The following ZHX1 variants were observed in gnomAD, a reference collection of about 807,000 sequenced individuals.
ZHX1 encodes the protein zinc fingers and homeoboxes protein 1.
Under a neutral mutation model 61.8 loss-of-function variants are expected in ZHX1, and 20 were observed. The ratio of observed to expected loss-of-function variants is 0.32; its 90% CI spans 0.23 to 0.47. The LOEUF (loss-of-function observed/expected upper bound fraction) is 0.47. Among genes scored for constraint, ZHX1 ranks in the 20% least tolerant of loss-of-function variants. ZHX1 has a pLI of 1.00. For missense variants in ZHX1, 800 were observed against 1,034.8 expected (o/e 0.77, Z 3.11); for synonymous variants, 318 against 352.6 (o/e 0.90, Z 1.10).
At chr8:123,250,718 T>C (rs1825893926) in intron 3 of ZHX1, among the ~76,000 whole-genome samples, 1 of 152,222 alleles carries the variant, frequency 6.6e-6, no homozygotes, top group African/African-American at 2.4e-5. Context: ...GTAACTTTTT[T>C]GGTAAATTGA....
chr8:123,255,270 C>T lies in ZHX1; in HGVS notation c.677G>A (p.Ser226Asn), dbSNP rs760635874. 5.6e-6 allele frequency: 9 copies of T among 1,614,040 alleles called. No individual in the cohort carries two copies. Among genetic ancestry groups the T allele is most frequent in the Non-Finnish European group, 6.8e-6 (8 of 1,180,040 alleles). ...PDREEIVENP[S>N]SSASESNTST... Reference sequence around the variant, plus strand: ...TGTATTAGATTCAGAAGCTGAAGAACTTGGATTTTCTACAATTTCTTCACG... The same window carrying T: ...TGTATTAGATTCAGAAGCTGAAGAATTTGGATTTTCTACAATTTCTTCACG... The change falls in exon 3 of 4, where the codon AGT becomes AAT. Residue 226 changes from serine to asparagine, a missense_variant. Coordinates refer to ENST00000395571, the MANE Select transcript of ZHX1 (RefSeq NM_007222.5).
At chr8:123,260,607 A>C (rs1219144012) in intron 2 of ZHX1, among the ~76,000 whole-genome samples, 1 of 151,890 alleles carries the variant, frequency 6.6e-6, no homozygotes, top group Non-Finnish European at 1.5e-5. Context: ...CAAAAAAAAA[A>C]CAAAAAACAA....
At position 123,270,239 on chromosome 8, in the gene ZHX1, T is replaced by G. The variant is rs141137310; in HGVS notation, c.-339-2853A>C. Among the ~76,000 whole-genome samples the G allele has an allele frequency of 1.6e-3, 246 of 152,162 alleles. 1 individual carries two copies. Among genetic ancestry groups the G allele is most frequent in the African/African-American group, 5.8e-3 (242 of 41,532 alleles). On this transcript the variant is annotated intron_variant, in intron 1 of 3. Transcript: ENST00000395571. ...ATTATTAGTTTAGTGCTTAGAAATA[T>G]CAGAACCTCCTATCTTCTTTCATTT...
chr8:123,264,860 C>T (rs117214456), intron 2 of ZHX1, among the ~76,000 whole-genome samples: 3,120 of 149,402 alleles, frequency 0.021, 37 homozygotes, highest in Admixed American at 0.031. Context: ...TGCCTGGCCA[C>T]AAACTTTGTT....
intron 2 of ZHX1, among the ~76,000 whole-genome samples, chr8:123,263,232 A>C (rs1243410196): frequency 1.3e-5 from 2 of 152,028 alleles, no homozygotes; most frequent in Non-Finnish European, 2.9e-5. Context: ...CAGGGTGTAG[A>C]TCTAGACTAG....
rs1826044734 is a variant in ZHX1 at position 123,255,501 on chromosome 8, TTTA to T, written c.443_445del (p.Ile148del). ...AAAACTACCATCAAAAGTCAGATCA[TTTA>T]TTGTTTGTTCAAAGATTGTCTGGTT... is the stretch of plus-strand genomic sequence containing the variant. On this transcript the variant is annotated inframe_deletion, in exon 3 of 4. Transcript: ENST00000395571. The T allele has an allele frequency of 1.2e-6, 2 of 1,613,516 alleles. No homozygotes were observed.
chr8:123,273,225 G>A (rs1826715786), intron 1 of ZHX1, among the ~76,000 whole-genome samples: 1 of 152,212 alleles, frequency 6.6e-6, no homozygotes, highest in Middle Eastern at 3.4e-3. Context: ...GAGGAGAGAG[G>A]ACAGGAAAGG....
At chr8:123,271,730 C>T (rs181393687) in intron 1 of ZHX1, among the ~76,000 whole-genome samples, 1 of 151,864 alleles carries the variant, frequency 6.6e-6, no homozygotes, top group East Asian at 1.9e-4. Context: ...AATGAACCAC[C>T]TCTCCTATGC....
At chr8:123,266,107 C>T (rs1032885953) in intron 2 of ZHX1, among the ~76,000 whole-genome samples, 2 of 152,064 alleles carry the variant, frequency 1.3e-5, no homozygotes, top group South Asian at 2.1e-4. Flanking sequence ...TAGGTAAGTA[C>T]GTAATACATT....
intron 2 of ZHX1, chr8:123,262,873 T>C (rs1484907004): frequency 6.7e-6 from 1 of 150,276 alleles, no homozygotes; most frequent in Non-Finnish European, 1.5e-5. Context: ...AATACTAAAA[T>C]TGGAACCATG....
chr8:123,255,237 G>T lies in ZHX1; in HGVS notation c.710C>A (p.Ser237Tyr). 1 of 1,614,168 alleles carries T rather than the reference G, an allele frequency of 6.2e-7. No homozygotes were observed. Among genetic ancestry groups the T allele is most frequent in the Non-Finnish European group, 8.5e-7 (1 of 1,180,020 alleles). ...ACTTGGATGTATTCTGTTTACAATG[G>T]AAGTACTTGTATTAGATTCAGAAGC... ...SSASESNTST[S>Y]IVNRIHPSTA... The change falls in exon 3 of 4, where the codon TCC becomes TAC. Residue 237 changes from serine to tyrosine, a missense_variant. Physicochemically the swap from Ser to Tyr is moderately radical, Grantham distance 144 (BLOSUM62 -2). Transcript: ENST00000395571.
Position 123,268,970 on chromosome 8 carries a change from G to T in ZHX1, c.-339-1584C>A. Among the ~76,000 whole-genome samples the T allele has an allele frequency of 2.6e-5, 4 of 152,174 alleles. 1 individual carries two copies. The highest frequency in any genetic ancestry group is 2.4e-5 in the African/African-American group (1 of 41,508). ...CAGTCCTTTAGTAAAATACCTCTAG[G>T]TTAGGTTAAAACTTAGGCTGAATAA... On this transcript the variant is annotated intron_variant, in intron 1 of 3. Coordinates refer to ENST00000395571, the MANE Select transcript of ZHX1 (RefSeq NM_007222.5).
At chr8:123,266,673 A>G (rs952136400) in intron 2 of ZHX1, among the ~76,000 whole-genome samples, 1 of 152,186 alleles carries the variant, frequency 6.6e-6, no homozygotes, top group Non-Finnish European at 1.5e-5. Flanking sequence ...GTGTCATAAC[A>G]AGGTTTGAGA....
rs1826006959 is a variant in ZHX1 at position 123,254,364 on chromosome 8, A to G, written c.1583T>C (p.Leu528Ser). The G allele has an allele frequency of 6.2e-7, 1 of 1,614,008 alleles. No individual in the cohort carries two copies. Among genetic ancestry groups the G allele is most frequent in the Non-Finnish European group, 8.5e-7 (1 of 1,179,998 alleles). ...GGTAGAGGAATCATTGTTGAGATGT[A>G]AGCACTGATTACTCTTTGAATTTCT... ...NQRNSKSNQC[L>S]HLNNDSSTTI... The change falls in exon 3 of 4, where the codon TTA becomes TCA. Residue 528 changes from leucine (L) to serine (S), a missense_variant. Transcript: ENST00000395571. This position sits in a 1 kb window ranked among gnomAD's most constrained non-coding sequence, Gnocchi z 4.1.
chr8:123,254,259 G>C lies in ZHX1; in HGVS notation c.1688C>G (p.Pro563Arg). The change falls in exon 3 of 4, where the codon CCT becomes CGT. Residue 563 changes from proline (P) to arginine (R), a missense_variant. Physicochemically the swap from Pro to Arg is moderately radical, Grantham distance 103. Coordinates refer to ENST00000395571, the MANE Select transcript of ZHX1 (RefSeq NM_007222.5). The surrounding 1 kb of genome is among the most constrained non-coding windows in gnomAD (Gnocchi z 4.1). Reference sequence around the variant, plus strand: ...CTTTTGGGGAGTAAAGTCAGGAAAAGGATTCCAGGATTGCTTAGGCTGTGC... The same window carrying C: ...CTTTTGGGGAGTAAAGTCAGGAAAACGATTCCAGGATTGCTTAGGCTGTGC... ...GTAQPKQSWNPFPDFTPQKFK... is the reference protein window; with the variant it reads ...GTAQPKQSWNRFPDFTPQKFK... The C allele has an allele frequency of 2.5e-6, 4 of 1,614,156 alleles. No homozygotes were observed. The highest frequency in any genetic ancestry group is 3.4e-6 in the Non-Finnish European group (4 of 1,180,006).
In ZHX1 at chr8:123,254,716, C is replaced by T. The variant is rs774933867; in HGVS notation, c.1231G>A (p.Ala411Thr). 2 of 1,614,054 alleles carry T rather than the reference C, an allele frequency of 1.2e-6. No homozygotes were observed. The highest frequency in any genetic ancestry group is 4.5e-5 in the East Asian group (2 of 44,896). Reference sequence around the variant, plus strand: ...CCTGCCACTGTCAAGGCTATAGGTGCTGTAACTGGCAAGGTGTTTGTTCCA... The same window carrying T: ...CCTGCCACTGTCAAGGCTATAGGTGTTGTAACTGGCAAGGTGTTTGTTCCA... ...VAGTNTLPVT[A>T]PIALTVAGVP... is the part of the protein sequence containing the mutation. The change falls in exon 3 of 4, where the codon GCA becomes ACA. Residue 411 changes from alanine to threonine, a missense_variant. Transcript: ENST00000395571. This position sits in a 1 kb window ranked among gnomAD's most constrained non-coding sequence, Gnocchi z 4.1.
intron 2 of ZHX1, among the ~76,000 whole-genome samples, chr8:123,264,732 AT>A (rs1456740319): frequency 4.7e-5 from 7 of 149,902 alleles, no homozygotes; most frequent in South Asian, 2.1e-4. Flanking sequence ...TAATTTTTGT[AT>A]TTTTTTTAGT....
At chr8:123,261,597 A>G (rs1315143796) in intron 2 of ZHX1, among the ~76,000 whole-genome samples, 2 of 152,200 alleles carry the variant, frequency 1.3e-5, no homozygotes, top group Admixed American at 1.3e-4. Context: ...TGATCAGTGC[A>G]GTAAGAAAGA....
intron 2 of ZHX1, chr8:123,262,859 C>A (rs1045237558): frequency 6.6e-6 from 1 of 150,600 alleles, no homozygotes; most frequent in Non-Finnish European, 1.5e-5. Context: ...GCTTCCACAG[C>A]ACAAATACTA....
Sources: gnomAD v4.1 joint callset for allele counts (sites outside exome capture counted in the v4.1 genomes callset) on GRCh38, gnomAD v4.1.1 for gene constraint, Gnocchi (gnomAD v3.1) non-coding constraint, MANE v1.5 for transcripts, NCBI Gene and HGNC (gene_info 2026-07-23, HGNC 2026-07-21) for gene names.